Variants in TMEM117 observed in about 807,000 individuals in gnomAD.
TMEM117 encodes transmembrane protein 117.
Under a neutral mutation model 52.4 loss-of-function variants are expected in TMEM117, and 27 were observed. That is an observed-to-expected ratio of 0.51 (90% CI 0.38 to 0.71). The LOEUF (loss-of-function observed/expected upper bound fraction) is 0.71, where lower values mean the gene tolerates loss of function less well. Ranked by LOEUF, TMEM117 falls within the 30% of genes least tolerant of loss-of-function variation. The pLI, the probability that TMEM117 is intolerant of heterozygous loss-of-function variation, is 0.00. For synonymous variants in TMEM117, 215 were observed against 206.3 expected (o/e 1.04, Z -0.36); for missense variants, 556 against 630.5 (o/e 0.88, Z 1.26).
chr12:44,205,076 C>A (rs1436485465), intron 4 of TMEM117, among the ~76,000 whole-genome samples: 3 of 152,102 alleles, frequency 2.0e-5, no homozygotes, highest in Admixed American at 2.0e-4. Context: ...AGAGCTTCTG[C>A]CCAGCAAAAT....
chr12:43,941,520 A>G (rs1165899105), intron 2 of TMEM117, among the ~76,000 whole-genome samples: 1 of 152,236 alleles, frequency 6.6e-6, no homozygotes, highest in Non-Finnish European at 1.5e-5. Flanking sequence ...AGGCAGTTCC[A>G]AGGTTCTTGG....
intron 3 of TMEM117, among the ~76,000 whole-genome samples, chr12:44,036,135 C>G (rs1375027125): frequency 3.3e-5 from 5 of 152,152 alleles, no homozygotes; most frequent in African/African-American, 1.2e-4. Flanking sequence ...GTTGTCATCT[C>G]ACATTGCATT....
At chr12:44,124,158 T>G (rs1948284097) in intron 3 of TMEM117, among the ~76,000 whole-genome samples, 1 of 152,172 alleles carries the variant, frequency 6.6e-6, no homozygotes, top group South Asian at 2.1e-4. Flanking sequence ...TTATTCTTTT[T>G]GTGACAATTG....
rs910418014 is a variant in TMEM117 at position 44,368,162 on chromosome 12, A to C, written c.769-8433A>C. On this transcript the variant is annotated intron_variant, in intron 6 of 7. Coordinates refer to ENST00000266534, the MANE Select transcript of TMEM117 (RefSeq NM_032256.3). ...TTCATATCAATCAGTACTCCACACA[A>C]AGGTCATCTTCAGAGAAGTTTTCTT... is the stretch of plus-strand genomic sequence containing the variant. 2.0e-5 allele frequency among the ~76,000 whole-genome samples: 3 copies of C among 152,064 alleles called. No homozygotes were observed. The East Asian group carries it at 5.8e-4, about 29-fold the overall frequency.
chr12:44,298,242 T>G (rs898074954), intron 5 of TMEM117, among the ~76,000 whole-genome samples: 1 of 150,766 alleles, frequency 6.6e-6, no homozygotes, highest in African/African-American at 2.5e-5. Flanking sequence ...TTCATATTAT[T>G]TTATATGAGT....
At chr12:44,296,978 GC>G (rs1300833446) in intron 5 of TMEM117, among the ~76,000 whole-genome samples, 1 of 152,162 alleles carries the variant, frequency 6.6e-6, no homozygotes, top group African/African-American at 2.4e-5. Flanking sequence ...CTCTCAGACA[GC>G]CCTGATCAGT....
chr12:44,088,764 CA>C (rs1947614623), intron 3 of TMEM117, among the ~76,000 whole-genome samples: 1 of 152,172 alleles, frequency 6.6e-6, no homozygotes, highest in Non-Finnish European at 1.5e-5. Context: ...CTCTTAGGCA[CA>C]AATGGTTAAC....
downstream of TMEM117, among the ~76,000 whole-genome samples, chr12:44,393,880 A>G (rs1952171253): frequency 6.6e-6 from 1 of 152,196 alleles, no homozygotes; most frequent in South Asian, 2.1e-4. Flanking sequence ...TTTTAAAACC[A>G]CAACACAGAT....
intron 2 of TMEM117, among the ~76,000 whole-genome samples, chr12:43,864,220 C>T (rs925980166): frequency 2.0e-5 from 3 of 152,234 alleles, no homozygotes; most frequent in Non-Finnish European, 4.4e-5. Flanking sequence ...GCCTCCCCGA[C>T]CAGCACCTCC....
intron 7 of TMEM117, 57 bp from the exon 8 acceptor site, chr12:44,387,969 A>C: frequency 4.1e-6 from 6 of 1,451,048 alleles, no homozygotes; most frequent in Non-Finnish European, 5.6e-6. Flanking sequence ...TATTGTAGAA[A>C]ACCTTATTGC....
chr12:44,224,205 T>C (rs1258776345), intron 5 of TMEM117, among the ~76,000 whole-genome samples: 2 of 152,064 alleles, frequency 1.3e-5, no homozygotes, highest in Non-Finnish European at 2.9e-5. Context: ...CATACAAACA[T>C]ATATTGGATT....
At chr12:44,394,249 A>G (rs1565790947), downstream of TMEM117, among the ~76,000 whole-genome samples, 1 of 152,208 alleles carries the variant, frequency 6.6e-6, no homozygotes, top group Non-Finnish European at 1.5e-5. Context: ...AATTCTTCAC[A>G]GGGTTTCGAA....
intron 2 of TMEM117, among the ~76,000 whole-genome samples, chr12:43,899,330 A>C (rs918447894): frequency 2.0e-5 from 3 of 152,214 alleles, no homozygotes; most frequent in African/African-American, 7.2e-5. Flanking sequence ...CACAGTGACA[A>C]TTTATGTTGA....
chr12:44,239,477 CA>C (rs1555140725), intron 5 of TMEM117, among the ~76,000 whole-genome samples: 1 of 152,120 alleles, frequency 6.6e-6, no homozygotes, highest in Non-Finnish European at 1.5e-5. Context: ...AACCTTTTAG[CA>C]GCACAGAAAT....
chr12:44,378,794 G>A lies in TMEM117; in HGVS notation c.898+2070G>A, dbSNP rs541922643. On this transcript the variant is annotated intron_variant, in intron 7 of 7. Coordinates refer to ENST00000266534, the MANE Select transcript of TMEM117 (RefSeq NM_032256.3). ...CATTACTAATGTTTTGATCCAGTAG[G>A]TCTGGGTGAGGGCCAGAGAATCGAA... Among the ~76,000 whole-genome samples the A allele has an allele frequency of 1.5e-4, 23 of 152,246 alleles. No individual in the cohort carries two copies. The South Asian group carries it at 3.7e-3, about 25-fold the overall frequency.
At chr12:44,081,773 A>C (rs1366530472) in intron 3 of TMEM117, among the ~76,000 whole-genome samples, 1 of 152,112 alleles carries the variant, frequency 6.6e-6, no homozygotes, top group East Asian at 1.9e-4. Flanking sequence ...AATCTCATCA[A>C]GCAAGTTATT....
At chr12:44,001,540 T>C (rs568025424) in intron 3 of TMEM117, among the ~76,000 whole-genome samples, 14 of 152,112 alleles carry the variant, frequency 9.2e-5, no homozygotes, top group Admixed American at 7.9e-4. Flanking sequence ...CACTATGAAG[T>C]GAGTTTGTGG....
At chr12:44,247,546 C>T (rs974368420) in intron 5 of TMEM117, among the ~76,000 whole-genome samples, 2 of 152,182 alleles carry the variant, frequency 1.3e-5, no homozygotes, top group African/African-American at 4.8e-5. Context: ...ATATCCATCA[C>T]TTTAAACATT....
intron 3 of TMEM117, among the ~76,000 whole-genome samples, chr12:44,073,353 G>A (rs559940790): frequency 2.0e-5 from 3 of 152,054 alleles, no homozygotes; most frequent in South Asian, 4.2e-4. Flanking sequence ...GGGTGAACTC[G>A]GGCAAGTTAC....
Sources: gnomAD v4.1 joint callset for allele counts (sites outside exome capture counted in the v4.1 genomes callset) on GRCh38, gnomAD v4.1.1 for gene constraint, MANE v1.5 for transcripts, NCBI Gene and HGNC (gene_info 2026-07-23, HGNC 2026-07-21) for gene names.